Variants in LCORL observed in about 807,000 individuals in gnomAD.
The protein encoded by LCORL is ligand-dependent nuclear receptor corepressor-like protein.
Under a neutral mutation model 141.8 loss-of-function variants are expected in LCORL, and 41 were observed. The observed-to-expected ratio is 0.29, with a 90% CI of 0.23 to 0.38. The LOEUF (loss-of-function observed/expected upper bound fraction) is 0.38. LCORL is among the 10% of genes least tolerant of loss of function. The pLI, the probability that LCORL is intolerant of heterozygous loss-of-function variation, is 1.00. For synonymous variants in LCORL, 618 were observed against 694.1 expected (o/e 0.89, Z 1.72); for missense variants, 1,759 against 2,035.0 (o/e 0.86, Z 2.61).
In LCORL at chr4:17,895,429, A is replaced by G. The variant is rs13147213; in HGVS notation, c.683-9268T>C. ...TATTGTATTTGTCCTACTGTGCTGGACTTATTTCATTTTACTTAATGTCCT... is the reference window on the plus strand; with the variant it reads ...TATTGTATTTGTCCTACTGTGCTGGGCTTATTTCATTTTACTTAATGTCCT... On this transcript the variant is annotated intron_variant, in intron 5 of 7. Transcript: ENST00000635767. Among the ~76,000 whole-genome samples the G allele has an allele frequency of 5.0e-3, 757 of 152,166 alleles. 4 individuals are homozygous for G. Among genetic ancestry groups the G allele is most frequent in the Middle Eastern group, 0.01 (3 of 294 alleles).
At chr4:17,862,370 A>G (rs1258874229) in intron 7 of LCORL, among the ~76,000 whole-genome samples, 1 of 152,182 alleles carries the variant, frequency 6.6e-6, no homozygotes, top group Non-Finnish European at 1.5e-5. Context: ...CTATCACAAG[A>G]AGAGCATGTG....
At chr4:17,959,437 T>A (rs1026164890) in intron 4 of LCORL, among the ~76,000 whole-genome samples, 1 of 152,018 alleles carries the variant, frequency 6.6e-6, no homozygotes, top group Non-Finnish European at 1.5e-5. Context: ...ATTTAACTTT[T>A]CTGAGCTTCA....
rs1208420327 is a variant in LCORL at position 18,021,745 on chromosome 4, T to G, written c.7A>C (p.Lys3Gln). The G allele has an allele frequency of 6.6e-7, 1 of 1,508,610 alleles. No individual in the cohort carries two copies. The highest frequency in any genetic ancestry group is 1.3e-5 in the South Asian group (1 of 78,164). The allele number at this position is 1,508,610 out of a possible 1,614,324, so 93.5% of individuals were successfully genotyped here. A position where few individuals can be genotyped will look rare whatever the true frequency, so the allele number is the denominator to read the frequency against. Residue 3 changes from lysine to glutamine, a missense_variant, in exon 1 of 8, where the codon AAG becomes CAG. Physicochemically the swap from Lys to Gln is moderately conservative, Grantham distance 53. Transcript: ENST00000635767. The surrounding 1 kb of genome is among the most constrained non-coding windows in gnomAD (Gnocchi z 5.5). ...GCAGCGGCCATTCTCTCTCTTCCCT[T>G]GTCCATCTGCGTCCCGCGTCACGCG...
chr4:17,976,985 T>C lies in LCORL; in HGVS notation c.155-4100A>G, dbSNP rs546322414. ...AAATCTGCGGAATTATTTTGATTAT[T>C]GAGCTCACTAAATCTGCAGAACTAT... On this transcript the variant is annotated intron_variant, in intron 1 of 7. Transcript: ENST00000635767. Among the ~76,000 whole-genome samples, 13 of 152,338 alleles carry C rather than the reference T, an allele frequency of 8.5e-5. No homozygotes were observed. The South Asian group carries it at 1.7e-3, about 19-fold the overall frequency.
chr4:17,957,462 T>C (rs1197976666), intron 4 of LCORL, among the ~76,000 whole-genome samples: 1 of 151,800 alleles, frequency 6.6e-6, no homozygotes, highest in Non-Finnish European at 1.5e-5. Flanking sequence ...GACCAGAAGC[T>C]CCAGAAGACA....
intron 6 of LCORL, chr4:17,880,958 A>T (rs956213938): frequency 1.0e-6 from 1 of 982,778 alleles, no homozygotes; most frequent in African/African-American, 1.8e-5. Flanking sequence ...ACAGAGTTTT[A>T]CTAAATTACT....
chr4:17,971,025 G>A (rs954153632), intron 2 of LCORL, among the ~76,000 whole-genome samples: 1 of 152,090 alleles, frequency 6.6e-6, no homozygotes, highest in African/African-American at 2.4e-5. Flanking sequence ...CGCTCTAAGG[G>A]AGGTCTCAGC....
chr4:17,949,411 T>C (rs1425696643), intron 4 of LCORL, among the ~76,000 whole-genome samples: 2 of 152,148 alleles, frequency 1.3e-5, no homozygotes, highest in African/African-American at 4.8e-5. Flanking sequence ...TCCTTGACTG[T>C]AGTTCCTCTG....
At chr4:17,842,308 A>T in exon 8 of LCORL, 2 of 1,611,410 alleles carry the variant, frequency 1.2e-6, no homozygotes, top group Non-Finnish European at 1.7e-6. Context: ...ACTATCTTCA[A>T]GGACAGAGAA....
chr4:17,924,724 G>T (rs1201518542), intron 4 of LCORL, among the ~76,000 whole-genome samples: 1 of 152,186 alleles, frequency 6.6e-6, no homozygotes, highest in African/African-American at 2.4e-5. Flanking sequence ...CTAAAGAAGT[G>T]AAGCAGTGGG....
exon 8 of LCORL, chr4:17,843,227 CA>C (rs1053290855): frequency 9.3e-6 from 14 of 1,499,116 alleles, no homozygotes; most frequent in Non-Finnish European, 1.3e-5. Context: ...GAGTCAGAAA[CA>C]AAAAAGTTTT....
At chr4:17,953,519 A>G (rs999399452) in intron 4 of LCORL, among the ~76,000 whole-genome samples, 2 of 152,236 alleles carry the variant, frequency 1.3e-5, no homozygotes, top group Non-Finnish European at 2.9e-5. Context: ...TTATATTTTC[A>G]GTATTTTTGG....
intron 4 of LCORL, among the ~76,000 whole-genome samples, chr4:17,939,903 T>TATATAC (rs1737556648): frequency 8.5e-6 from 1 of 117,206 alleles, no homozygotes; most frequent in Non-Finnish European, 1.7e-5. Context: ...CATATATGTA[T>TATATAC]ATATACATAT....
exon 7 of LCORL, chr4:17,875,864 A>G (rs13131350): frequency 0.14 from 172,786 of 1,230,950 alleles, 13,152 homozygotes; most frequent in South Asian, 0.28. Context: ...AGGATCCTGC[A>G]GTTTCTTTTG....
At chr4:17,939,879 T>TACACACACACACACACACACACACAC (rs143670453) in intron 4 of LCORL, among the ~76,000 whole-genome samples, 147 of 147,864 alleles carry the variant, frequency 9.9e-4, no homozygotes, top group African/African-American at 3.0e-3. Flanking sequence ...TAGGTACATG[T>TACACACACACACACACACACACACAC]ACACACACAC....
chr4:17,925,036 T>A (rs1007233689), intron 4 of LCORL, among the ~76,000 whole-genome samples: 10 of 152,312 alleles, frequency 6.6e-5, no homozygotes, highest in African/African-American at 2.2e-4. Flanking sequence ...TGCTTCCTGT[T>A]CCTGTAACAT....
intron 1 of LCORL, among the ~76,000 whole-genome samples, chr4:17,997,950 CA>C (rs1721168214): frequency 6.6e-6 from 1 of 152,034 alleles, no homozygotes; most frequent in South Asian, 2.1e-4. Context: ...AAAATGGAAA[CA>C]CATTCTGATA....
chr4:17,956,490 C>T (rs780790116), intron 4 of LCORL, among the ~76,000 whole-genome samples: 4 of 151,900 alleles, frequency 2.6e-5, no homozygotes, highest in African/African-American at 4.8e-5. Context: ...AAAATCCTGC[C>T]GTTTGCAGCA....
chr4:17,848,919 C>G (rs1162854011), intron 7 of LCORL, among the ~76,000 whole-genome samples: 3 of 152,228 alleles, frequency 2.0e-5, no homozygotes, highest in South Asian at 2.1e-4. Flanking sequence ...CACAGAGTCT[C>G]GCTGATTGCT....
Sources: allele counts gnomAD v4.1 joint callset (sites outside exome capture counted in the v4.1 genomes callset), GRCh38; gene constraint gnomAD v4.1.1; non-coding constraint Gnocchi (gnomAD v3.1); transcripts MANE v1.5; gene names NCBI Gene and HGNC (gene_info 2026-07-23, HGNC 2026-07-21).